The following TENM1 variants were observed in gnomAD, a reference collection of about 807,000 sequenced individuals.
The protein encoded by TENM1 is teneurin-1.
Under a neutral mutation model 174.8 loss-of-function variants are expected in TENM1, and 35 were observed. The ratio of observed to expected loss-of-function variants is 0.20; its 90% CI spans 0.15 to 0.27. The LOEUF (loss-of-function observed/expected upper bound fraction) is 0.27. TENM1 is among the 10% of genes least tolerant of loss of function. TENM1 has a pLI of 1.00. For synonymous variants in TENM1, 781 were observed against 798.7 expected (o/e 0.98, Z 0.37); for missense variants, 1,633 against 2,130.1 (o/e 0.77, Z 4.59).
intron 27 of TENM1, among the ~76,000 whole-genome samples, chrX:124,394,169 G>A (rs191937425): frequency 4.5e-5 from 5 of 111,598 alleles, no homozygotes; most frequent in Admixed American, 3.8e-4. Context: ...TGTTAATGAA[G>A]GGGAGGAGTG....
the TENM1 span, among the ~76,000 whole-genome samples, chrX:125,069,011 T>TTTTG: frequency 9.0e-6 from 1 of 111,225 alleles, no homozygotes. Flanking sequence ...CAATAGTAGT[T>TTTTG]TTTGTTTGTT....
At chrX:124,671,971 A>G in intron 5 of TENM1, 136 bp from the exon 9 acceptor site, 1 of 531,570 alleles carries the variant, frequency 1.9e-6, no homozygotes, top group African/African-American at 2.3e-5. Context: ...GTTTATACCT[A>G]TACATCATAC....
intron 14 of TENM1, among the ~76,000 whole-genome samples, chrX:124,554,874 C>A (rs1230732496): frequency 1.8e-5 from 2 of 111,517 alleles, no homozygotes; most frequent in African/African-American, 6.5e-5. Flanking sequence ...CTCTTTTAGG[C>A]AATTAACTTA....
intron 11 of TENM1, among the ~76,000 whole-genome samples, chrX:124,614,030 T>C (rs758682366): frequency 9.0e-6 from 1 of 111,576 alleles, no homozygotes; most frequent in Admixed American, 9.5e-5. Flanking sequence ...TGCCGATATA[T>C]GCGCCCCAAG....
chrX:124,714,640 C>A (rs190993732), intron 4 of TENM1, among the ~76,000 whole-genome samples: 49 of 111,431 alleles, frequency 4.4e-4, no homozygotes, highest in African/African-American at 1.6e-3. Flanking sequence ...AGAAAAGTTT[C>A]ATGCAGTACT....
At chrX:124,678,007 AAG>A (rs1177015117) in intron 5 of TENM1, among the ~76,000 whole-genome samples, 1 of 111,710 alleles carries the variant, frequency 9.0e-6, no homozygotes, top group East Asian at 2.8e-4. Flanking sequence ...AAAAGCCAAA[AAG>A]AGAGAGAAAA....
intron 3 of TENM1, among the ~76,000 whole-genome samples, chrX:124,840,125 A>G (rs1425679182): frequency 8.9e-6 from 1 of 111,867 alleles, no homozygotes; most frequent in Non-Finnish European, 1.9e-5. Context: ...CTACTTTTAA[A>G]ATATACTTCT....
chrX:124,679,458 T>G lies in TENM1; in HGVS notation c.1016-7623A>C, dbSNP rs765099218. On this transcript the variant is annotated intron_variant, in intron 5 of 31. Transcript: ENST00000422452. ...CAACTAACTCCCGTGGGAAGCAATT[T>G]CACCAGACCGATACTTCAGTGGCCA... Among the ~76,000 whole-genome samples, 3 of 111,805 alleles carry G rather than the reference T, an allele frequency of 2.7e-5. No individual in the cohort carries two copies. In the South Asian group the frequency reaches 1.1e-3, roughly 42 times the overall value.
At chrX:125,051,313 T>A in the TENM1 span, among the ~76,000 whole-genome samples, 1 of 110,796 alleles carries the variant, frequency 9.0e-6, no homozygotes, top group Non-Finnish European at 1.9e-5. Flanking sequence ...AAGCTACCAA[T>A]GACTTTCTTC....
At chrX:124,728,151 A>G (rs1018305291) in intron 4 of TENM1, among the ~76,000 whole-genome samples, 4 of 111,027 alleles carry the variant, frequency 3.6e-5, no homozygotes, top group Admixed American at 9.6e-5. Flanking sequence ...TGAAGAAAAA[A>G]AAAATCAAAG....
the TENM1 span, among the ~76,000 whole-genome samples, chrX:125,046,857 C>CGTGTGTGT: frequency 7.1e-4 from 70 of 98,265 alleles, no homozygotes; most frequent in Admixed American, 1.5e-3. Context: ...TGTGTGCATG[C>CGTGTGTGT]GTGTGTGTGT....
At chrX:124,685,313 A>G (rs908584251) in intron 5 of TENM1, among the ~76,000 whole-genome samples, 1 of 111,402 alleles carries the variant, frequency 9.0e-6, no homozygotes, top group Admixed American at 9.5e-5. Context: ...GAATAAAATC[A>G]GAAAACAGCA....
chrX:124,837,747 C>G (rs2056420574), intron 3 of TENM1, among the ~76,000 whole-genome samples: 1 of 109,876 alleles, frequency 9.1e-6, no homozygotes, highest in African/African-American at 3.3e-5. Context: ...AAGATATTGA[C>G]AATGAAAAAA....
At chrX:124,704,411 G>C (rs1262786673) in intron 5 of TENM1, among the ~76,000 whole-genome samples, 1 of 111,883 alleles carries the variant, frequency 8.9e-6, no homozygotes, top group Non-Finnish European at 1.9e-5. Flanking sequence ...ACTTTAATCA[G>C]GGTGACTCAA....
At chrX:125,129,430 C>T in the TENM1 span, among the ~76,000 whole-genome samples, 30 of 111,890 alleles carry the variant, frequency 2.7e-4, no homozygotes, top group East Asian at 6.8e-3. Flanking sequence ...GGATATCCAT[C>T]ACCTCAAACA....
At chrX:124,751,224 A>C (rs1304038742) in intron 3 of TENM1, among the ~76,000 whole-genome samples, 3 of 111,931 alleles carry the variant, frequency 2.7e-5, no homozygotes, top group Non-Finnish European at 5.6e-5. Context: ...ACCTAAAAAA[A>C]ATTCTTATTT....
intron 3 of TENM1, among the ~76,000 whole-genome samples, chrX:124,780,965 G>A (rs890908504): frequency 1.8e-5 from 2 of 111,287 alleles, no homozygotes; most frequent in African/African-American, 6.5e-5. Flanking sequence ...TCCAAGACAA[G>A]CTCAAGAGTT....
intron 1 of TENM1, among the ~76,000 whole-genome samples, chrX:124,944,665 A>G (rs528292411): frequency 4.1e-4 from 44 of 108,279 alleles, no homozygotes; most frequent in African/African-American, 1.3e-3. Flanking sequence ...GTGTTCAAAC[A>G]CTGGGACTCA....
intron 5 of TENM1, among the ~76,000 whole-genome samples, chrX:124,700,020 T>C (rs2052739995): frequency 8.9e-6 from 1 of 112,064 alleles, no homozygotes; most frequent in African/African-American, 3.2e-5. Flanking sequence ...AGCAAAAGGA[T>C]TGATAACGGT....
Sources: gnomAD v4.1 joint callset for allele counts (sites outside exome capture counted in the v4.1 genomes callset) on GRCh38, gnomAD v4.1.1 for gene constraint, MANE v1.5 for transcripts, NCBI Gene and HGNC (gene_info 2026-07-23, HGNC 2026-07-21) for gene names.